ALX4: variants seen among roughly 807,000 people sequenced by gnomAD.
ALX4 encodes ALX homeobox 4, also known as homeobox protein aristaless-like 4.
ALX4 carries 22 observed loss-of-function variants against 40.6 expected under a neutral mutation model. That is an observed-to-expected ratio of 0.54 (90% CI 0.39 to 0.77). The LOEUF (loss-of-function observed/expected upper bound fraction) is 0.77. Among genes scored for constraint, ALX4 ranks in the 30% least tolerant of loss-of-function variants. ALX4 has a pLI of 0.00. For missense variants in ALX4, 556 were observed against 564.8 expected (o/e 0.98, Z 0.16); for synonymous variants, 266 against 240.5 (o/e 1.11, Z -0.98).
At chr11:44,292,422 G>T (rs1432109193) in intron 1 of ALX4, among the ~76,000 whole-genome samples, 1 of 113,030 alleles carries the variant, frequency 8.8e-6, no homozygotes, top group Non-Finnish European at 1.7e-5. Context: ...GTGTCACTAT[G>T]TTGCCCAGGC....
Position 44,263,222 on chromosome 11 carries a change from C to G in ALX4, c.*1632G>C, listed in dbSNP as rs1956192694. On this transcript the variant is annotated 3_prime_UTR_variant, in exon 4 of 4. Transcript: ENST00000652299. ...TAGTGGGCCTGGCCCTACTCCATGA[C>G]AGGAATCAAGGGAGAAGGTAGAAAA... 6.6e-6 allele frequency: 1 copy of G among 152,300 alleles called. No individual in the cohort carries two copies. Among genetic ancestry groups the G allele is most frequent in the Non-Finnish European group, 1.5e-5 (1 of 68,108 alleles). 9.4% of individuals were successfully genotyped at this position (152,300 alleles called of 1,614,324 possible). A position where few individuals can be genotyped will look rare whatever the true frequency, so the allele number is the denominator to read the frequency against.
intron 1 of ALX4, among the ~76,000 whole-genome samples, chr11:44,298,399 G>C (rs886292737): frequency 3.3e-5 from 5 of 152,178 alleles, no homozygotes; most frequent in Non-Finnish European, 5.9e-5. Context: ...GGCCAGAAGA[G>C]AGGGCTGCAT....
chr11:44,279,976 G>A (rs1481667241), intron 1 of ALX4, among the ~76,000 whole-genome samples: 1 of 152,162 alleles, frequency 6.6e-6, no homozygotes, highest in Admixed American at 6.5e-5. Flanking sequence ...CTCTGTCCAG[G>A]TATCTGTGTG....
chr11:44,267,347 G>GCC, intron 3 of ALX4, 147 bp downstream of exon 3: 1 of 1,066,034 alleles, frequency 9.4e-7, no homozygotes, highest in Non-Finnish European at 1.3e-6. Flanking sequence ...CCACACTCTG[G>GCC]TATAAACAGG....
At position 44,263,188 on chromosome 11, in the gene ALX4, C is replaced by T. The variant is rs1956192466; in HGVS notation, c.*1666G>A. The T allele has an allele frequency of 6.6e-6, 1 of 152,238 alleles. No individual in the cohort carries two copies. The highest frequency in any genetic ancestry group is 2.1e-4 in the South Asian group (1 of 4,830). The allele number at this position is 152,238 out of a possible 1,614,324, so 9.4% of individuals were successfully genotyped here. A position where few individuals can be genotyped will look rare whatever the true frequency, so the allele number is the denominator to read the frequency against. On this transcript the variant is annotated 3_prime_UTR_variant, in exon 4 of 4. Transcript: ENST00000652299. Reference sequence around the variant, plus strand: ...CCAGGAGGCCTTTCTGTGTCCACGACCCTGAGCATAGTGGGCCTGGCCCTA... The same window carrying T: ...CCAGGAGGCCTTTCTGTGTCCACGATCCTGAGCATAGTGGGCCTGGCCCTA...
chr11:44,265,296 C>T (rs1956207127), intron 3 of ALX4, 113 bp from the exon 4 acceptor site: 3 of 1,065,206 alleles, frequency 2.8e-6, no homozygotes, highest in South Asian at 1.7e-5. Context: ...CCCATGAAGC[C>T]CCTCTTGAGT....
rs1277035075 is a variant in ALX4, at chr11:44,309,705, G to C, written c.358C>G (p.Pro120Ala). ...QQPQPQPPAQ[P>A]HLYLQRGACK... ...GCGCCTCGCTGCAAGTAAAGATGCGGTTGCGCGGGCGGCTGGGGCTGCGGC... is the reference window on the plus strand; with the variant it reads ...GCGCCTCGCTGCAAGTAAAGATGCGCTTGCGCGGGCGGCTGGGGCTGCGGC... The change falls in exon 1 of 4, where the codon CCG becomes GCG. Residue 120 changes from proline to alanine, a missense_variant. Pro to Ala is a conservative substitution (Grantham distance 27). Coordinates refer to ENST00000652299, the MANE Select transcript of ALX4 (RefSeq NM_021926.4). The C allele has an allele frequency of 6.3e-7, 1 of 1,583,002 alleles. No homozygotes were observed. The highest frequency in any genetic ancestry group is 2.3e-5 in the East Asian group (1 of 43,146).
chr11:44,295,905 A>C (rs1956400070), intron 1 of ALX4, among the ~76,000 whole-genome samples: 1 of 152,236 alleles, frequency 6.6e-6, no homozygotes, highest in African/African-American at 2.4e-5. Context: ...AGCCAGGGCC[A>C]AGACTGTGGC....
rs941831324 is a variant in ALX4, at chr11:44,309,777, T to C, written c.286A>G (p.Thr96Ala). The change falls in exon 1 of 4, where the codon ACC (threonine) becomes GCC (alanine). Residue 96 changes from threonine to alanine, a missense_variant. Coordinates refer to ENST00000652299, the MANE Select transcript of ALX4 (RefSeq NM_021926.4). ...SFNKFQPQPS[T>A]PQPQPPPQPQ... ...TGCGGCGGCGGCTGGGGCTGCGGGG[T>C]CGACGGCTGGGGCTGGAACTTGTTA... 6.5e-7 allele frequency: 1 copy of C among 1,543,130 alleles called. No homozygotes were observed. Among genetic ancestry groups the C allele is most frequent in the Admixed American group, 2.0e-5 (1 of 50,868 alleles).
At position 44,262,744 on chromosome 11, in the gene ALX4, T is replaced by C. The variant is rs7105993; in HGVS notation, c.*2110A>G. The C allele has an allele frequency of 0.99, 151,019 of 152,264 alleles. 74,902 individuals are homozygous for C. The highest frequency in any genetic ancestry group is 1 in the East Asian group (5,154 of 5,154). The allele number at this position is 152,264 out of a possible 1,614,324, so 9.4% of individuals were successfully genotyped here. Reference sequence around the variant, plus strand: ...AGACCCAAGGTGAAAGTTCCTTCCTTCCCCATCCTTCCTCAGCCATGAGCA... The same window carrying C: ...AGACCCAAGGTGAAAGTTCCTTCCTCCCCCATCCTTCCTCAGCCATGAGCA... On this transcript the variant is annotated 3_prime_UTR_variant, in exon 4 of 4. Coordinates refer to ENST00000652299, the MANE Select transcript of ALX4 (RefSeq NM_021926.4).
intron 1 of ALX4, among the ~76,000 whole-genome samples, chr11:44,279,551 C>T (rs747132032): frequency 7.2e-5 from 11 of 152,192 alleles, no homozygotes; most frequent in Non-Finnish European, 1.5e-4. Flanking sequence ...CTCAGCAAGA[C>T]GGCTGCTGAA....
chr11:44,305,210 C>T (rs1565011510), intron 1 of ALX4, among the ~76,000 whole-genome samples: 4 of 152,226 alleles, frequency 2.6e-5, no homozygotes, highest in Admixed American at 1.3e-4. Context: ...CTCCTCAGAG[C>T]TAAGCACTTC....
At chr11:44,294,158 G>A (rs991642131) in intron 1 of ALX4, among the ~76,000 whole-genome samples, 15 of 152,222 alleles carry the variant, frequency 9.9e-5, no homozygotes, top group Non-Finnish European at 2.1e-4. Context: ...AATTCACAGC[G>A]GGACAGCCTC....
In ALX4 at chr11:44,267,418, G is replaced by A. The variant is rs1280503719; in HGVS notation, c.906+76C>T. The stretch of plus-strand genomic sequence containing the variant: ...GCCATAAGTCATCTCGGGGTGCCTG[G>A]GCTCTCCTCCAAGGGGCTCATTCTC... On this transcript the variant is annotated intron_variant, in intron 3 of 3. Transcript: ENST00000652299. 8.8e-6 allele frequency: 14 copies of A among 1,586,584 alleles called. No homozygotes were observed. The East Asian group carries it at 2.7e-4, about 31-fold the overall frequency.
At chr11:44,281,722 CCACCCCA>C (rs1244500150) in intron 1 of ALX4, among the ~76,000 whole-genome samples, 3 of 152,064 alleles carry the variant, frequency 2.0e-5, no homozygotes, top group African/African-American at 7.2e-5. Context: ...GATCACGTCC[CCACCCCA>C]CCTCATCTGA....
intron 1 of ALX4, among the ~76,000 whole-genome samples, chr11:44,291,514 T>C (rs1256654051): frequency 6.6e-6 from 1 of 152,070 alleles, no homozygotes; most frequent in Non-Finnish European, 1.5e-5. Context: ...GTTCAAGCGA[T>C]TCTCCTGCCT....
chr11:44,272,846 CT>C (rs1421144705), intron 2 of ALX4, among the ~76,000 whole-genome samples: 1 of 152,088 alleles, frequency 6.6e-6, no homozygotes, highest in Non-Finnish European at 1.5e-5. Flanking sequence ...GCAGGCTGCC[CT>C]CAGGGAACTT....
intron 3 of ALX4, among the ~76,000 whole-genome samples, chr11:44,265,616 T>C (rs1001173972): frequency 5.3e-5 from 8 of 152,106 alleles, no homozygotes; most frequent in Non-Finnish European, 1.0e-4. Flanking sequence ...TCGGAGAGCT[T>C]TGGCCTCGCA....
chr11:44,304,227 A>C (rs1388504657), intron 1 of ALX4, among the ~76,000 whole-genome samples: 1 of 152,132 alleles, frequency 6.6e-6, no homozygotes, highest in Non-Finnish European at 1.5e-5. Context: ...TGGCCGGAGA[A>C]CCCTGCGCTG....
Sources: allele counts gnomAD v4.1 joint callset (sites outside exome capture counted in the v4.1 genomes callset), GRCh38; gene constraint gnomAD v4.1.1; transcripts MANE v1.5; gene names NCBI Gene and HGNC (gene_info 2026-07-23, HGNC 2026-07-21).